The following KDM4C variants were observed in gnomAD, a reference collection of about 807,000 sequenced individuals.
KDM4C encodes lysine-specific demethylase 4C.
In KDM4C, 81 loss-of-function variants were observed where a neutral mutation model predicts 129.3. The ratio of observed to expected loss-of-function variants is 0.63; its 90% CI spans 0.52 to 0.75. The LOEUF is 0.75. Among genes scored for constraint, KDM4C ranks in the 30% least tolerant of loss-of-function variants. KDM4C has a pLI of 0.00. For synonymous variants in KDM4C, 573 were observed against 456.1 expected, an observed-to-expected ratio of 1.26 and a Z score of -3.26; for missense variants, 1,457 against 1,304.0, an observed-to-expected ratio of 1.12 and a Z score of -1.81.
chr9:6,835,602 C>T (rs1835737220), intron 4 of KDM4C: 1 of 884,064 alleles, frequency 1.1e-6, no homozygotes, highest in Admixed American at 1.7e-5. Flanking sequence ...AGTTGTGTTA[C>T]ACCCTTTCTT....
At chr9:7,136,150 G>A (rs570760109) in intron 19 of KDM4C, among the ~76,000 whole-genome samples, 6 of 152,236 alleles carry the variant, frequency 3.9e-5, no homozygotes, top group African/African-American at 7.2e-5. Flanking sequence ...TTTTTCAGAC[G>A]CTTTGCAATG....
chr9:6,745,623 T>G (rs949726498), intron 1 of KDM4C, among the ~76,000 whole-genome samples: 1 of 151,732 alleles, frequency 6.6e-6, no homozygotes, highest in Non-Finnish European at 1.5e-5. Flanking sequence ...TATTGTATTA[T>G]GTTACATTAC....
chr9:7,165,168 C>G, intron 19 of KDM4C, 70 bp from the exon 20 acceptor site: 1 of 1,561,462 alleles, frequency 6.4e-7, no homozygotes, highest in Non-Finnish European at 8.7e-7. Context: ...AGGAGTTCAT[C>G]ATTTGCTAAG....
intron 1 of KDM4C, among the ~76,000 whole-genome samples, chr9:6,748,447 C>T (rs12345279): frequency 0.066 from 9,845 of 149,678 alleles, 382 homozygotes; most frequent in Middle Eastern, 0.13. Flanking sequence ...GTGGAGGTTG[C>T]GGGGAGCTGA....
intron 19 of KDM4C, among the ~76,000 whole-genome samples, chr9:7,147,532 C>T (rs1331816316): frequency 1.3e-5 from 2 of 152,186 alleles, no homozygotes; most frequent in African/African-American, 4.8e-5. Context: ...TTATTCCCCT[C>T]ATACATTTTA....
rs200969675 is a variant in KDM4C at position 6,793,041 on chromosome 9, C to G, written c.53C>G (p.Thr18Ser). 44 of 1,614,034 alleles carry G rather than the reference C, an allele frequency of 2.7e-5. No individual in the cohort carries two copies. The East Asian group carries it at 4.0e-4, about 15-fold the overall frequency. The change falls in exon 2 of 22, where the codon ACC (threonine) becomes AGC (serine). Residue 18 changes from threonine (T) to serine (S), a missense_variant. By Grantham distance (58) the Thr-to-Ser change is moderately conservative. Coordinates refer to ENST00000381309, the MANE Select transcript of KDM4C (RefSeq NM_015061.6). ...SPLNPSCKIM[T>S]FRPSMEEFRE... ...CTGAACCCCAGCTGTAAGATAATGA[C>G]CTTCAGACCCTCCATGGAGGAGTTC...
intron 8 of KDM4C, among the ~76,000 whole-genome samples, chr9:6,959,993 A>G (rs1396500440): frequency 3.3e-5 from 5 of 151,982 alleles, no homozygotes; most frequent in Non-Finnish European, 7.4e-5. Context: ...AAGCTGTTAC[A>G]TCCAGTGAAT....
intron 1 of KDM4C, among the ~76,000 whole-genome samples, chr9:6,765,124 A>G (rs986993469): frequency 6.6e-6 from 1 of 152,080 alleles, no homozygotes; most frequent in Admixed American, 6.6e-5. Context: ...TTTAAGGCCT[A>G]TTGCCTTATT....
intron 8 of KDM4C, among the ~76,000 whole-genome samples, chr9:6,947,684 A>G (rs1486613925): frequency 6.6e-6 from 1 of 152,116 alleles, no homozygotes; most frequent in Non-Finnish European, 1.5e-5. Flanking sequence ...ATTGTTTCAA[A>G]TAACCTGAAT....
intron 1 of KDM4C, among the ~76,000 whole-genome samples, chr9:6,759,962 T>TATAAATAA (rs34081778): frequency 0.03 from 4,310 of 143,026 alleles, 87 homozygotes; most frequent in African/African-American, 0.057. Context: ...AAAGTAAAAA[T>TATAAATAA]ATAAATAAAT....
chr9:7,008,005 A>T (rs1821994800), intron 12 of KDM4C, among the ~76,000 whole-genome samples: 1 of 152,188 alleles, frequency 6.6e-6, no homozygotes, highest in African/African-American at 2.4e-5. Flanking sequence ...CAAAAGAGAT[A>T]CAGGAACCAG....
intron 5 of KDM4C, among the ~76,000 whole-genome samples, chr9:6,864,266 C>A (rs981381072): frequency 3.4e-4 from 51 of 151,144 alleles, no homozygotes; most frequent in African/African-American, 1.1e-3. Flanking sequence ...GACAGCTTTG[C>A]TGGTTTCAGT....
chr9:6,837,180 C>A (rs1334796075), intron 4 of KDM4C, among the ~76,000 whole-genome samples: 4 of 152,142 alleles, frequency 2.6e-5, no homozygotes, highest in African/African-American at 9.7e-5. Flanking sequence ...ACCTCAGCCT[C>A]CTGAGTAGCA....
intron 19 of KDM4C, among the ~76,000 whole-genome samples, chr9:7,156,273 A>G (rs1472575674): frequency 6.6e-6 from 1 of 152,156 alleles, no homozygotes; most frequent in African/African-American, 2.4e-5. Flanking sequence ...AGGTGGGTAG[A>G]TTGCAAAAAT....
chr9:6,809,788 C>G (rs1172675353), intron 3 of KDM4C, among the ~76,000 whole-genome samples: 1 of 152,100 alleles, frequency 6.6e-6, no homozygotes, highest in East Asian at 1.9e-4. Flanking sequence ...TGCTTGAACC[C>G]AGGAGTTCGA....
At chr9:7,103,565 T>C in intron 17 of KDM4C, 120 bp from the exon 18 acceptor site, 1 of 782,756 alleles carries the variant, frequency 1.3e-6, no homozygotes, top group South Asian at 1.9e-5. Flanking sequence ...TCAGGACTTG[T>C]TGATGTAATC....
intron 19 of KDM4C, among the ~76,000 whole-genome samples, chr9:7,159,446 T>G (rs538271806): frequency 6.6e-6 from 1 of 152,330 alleles, no homozygotes; most frequent in East Asian, 1.9e-4. Flanking sequence ...TTACAATTTC[T>G]CATGTTTTTG....
intron 1 of KDM4C, among the ~76,000 whole-genome samples, chr9:6,751,040 T>A (rs1818048486): frequency 6.6e-6 from 1 of 152,166 alleles, no homozygotes; most frequent in African/African-American, 2.4e-5. Flanking sequence ...CATGACAGTC[T>A]CAGGACCGTA....
In KDM4C at chr9:6,758,070, G is replaced by A. The variant is rs948847615; in HGVS notation, c.-151G>A. The stretch of plus-strand genomic sequence containing the variant: ...AGTGATCGGGCGGCCGGGGTCCTGT[G>A]CGCGTGCGCAGCGAACAGCTGTCAC... On this transcript the variant is annotated 5_prime_UTR_variant, in exon 1 of 22. Coordinates refer to ENST00000381309, the MANE Select transcript of KDM4C (RefSeq NM_015061.6). The surrounding 1 kb of genome is among the most constrained non-coding windows in gnomAD (Gnocchi z 4.6). 13 of 985,482 alleles carry A rather than the reference G, an allele frequency of 1.3e-5. No homozygotes were observed. In the Admixed American group the frequency reaches 2.5e-4, roughly 19 times the overall value. The allele number at this position is 985,482 out of a possible 1,614,324, so 61.0% of individuals were successfully genotyped here.
Sources: gnomAD v4.1 joint callset for allele counts (sites outside exome capture counted in the v4.1 genomes callset) on GRCh38, gnomAD v4.1.1 for gene constraint, Gnocchi (gnomAD v3.1) non-coding constraint, MANE v1.5 for transcripts, NCBI Gene and HGNC (gene_info 2026-07-23, HGNC 2026-07-21) for gene names.